GBP6: variants seen among roughly 807,000 people sequenced by gnomAD.
GBP6 encodes the protein guanylate-binding protein 6.
A neutral mutation model predicts 61.5 loss-of-function variants in GBP6; 54 were observed. The observed-to-expected ratio is 0.88, with a 90% confidence interval of 0.71 to 1.10. The LOEUF (loss-of-function observed/expected upper bound fraction) is 1.10, where lower values mean the gene tolerates loss of function less well. Ranked by LOEUF, GBP6 falls within the 50% of genes least tolerant of loss-of-function variation. The pLI, the probability that GBP6 is intolerant of heterozygous loss-of-function variation, is 0.00. For synonymous variants in GBP6, 255 were observed against 273.7 expected (o/e 0.93, Z 0.67); for missense variants, 748 against 752.8 (o/e 0.99, Z 0.07).
intron 1 of GBP6, among the ~76,000 whole-genome samples, chr1:89,366,459 C>T (rs961944083): frequency 1.3e-5 from 2 of 152,164 alleles, no homozygotes; most frequent in African/African-American, 2.4e-5. Context: ...TCCCATCACT[C>T]TTCCAAACCT....
In GBP6 at chr1:89,387,652, G is replaced by A. The variant is rs897068137; in HGVS notation, c.*2183G>A. On this transcript the variant is annotated 3_prime_UTR_variant, in exon 11 of 11. Transcript: ENST00000370456. ...TCTGAGGTGGTTTAAAGGCTATGAGGCCAGGTGCAGTGGCTCACGCCTATA... is the reference window on the plus strand; with the variant it reads ...TCTGAGGTGGTTTAAAGGCTATGAGACCAGGTGCAGTGGCTCACGCCTATA... Among the ~76,000 whole-genome samples, 10 of 152,218 alleles carry A rather than the reference G, an allele frequency of 6.6e-5. No homozygotes were observed. The highest frequency in any genetic ancestry group is 1.0e-4 in the Non-Finnish European group (7 of 68,032).
At chr1:89,378,673 GC>G in intron 5 of GBP6, 60 bp downstream of exon 5, 1 of 1,283,336 alleles carries the variant, frequency 7.8e-7, no homozygotes, top group Non-Finnish European at 1.1e-6. Context: ...GCTAAACACT[GC>G]CCATCATCTC....
intron 3 of GBP6, among the ~76,000 whole-genome samples, chr1:89,372,149 G>A (rs1217957827): frequency 2.0e-5 from 3 of 152,218 alleles, no homozygotes; most frequent in African/African-American, 4.8e-5. Context: ...AAACCACTGT[G>A]CAATGAAATA....
Position 89,378,083 on chromosome 1 carries a change from T to A in GBP6, c.319-20T>A. On this transcript the variant is annotated intron_variant, in intron 3 of 10. Coordinates refer to ENST00000370456, the MANE Select transcript of GBP6 (RefSeq NM_198460.3). Reference sequence around the variant, plus strand: ...CTAAAGACTACACTCCTAAGTCCTTTGCTCTAATGTGCTTTTTAGGGTGAC... The same window carrying A: ...CTAAAGACTACACTCCTAAGTCCTTAGCTCTAATGTGCTTTTTAGGGTGAC... 6.2e-7 allele frequency: 1 copy of A among 1,604,640 alleles called. No individual in the cohort carries two copies. Among genetic ancestry groups the A allele is most frequent in the Non-Finnish European group, 8.5e-7 (1 of 1,175,438 alleles).
chr1:89,373,082 C>A (rs1652691644), intron 3 of GBP6, among the ~76,000 whole-genome samples: 1 of 152,164 alleles, frequency 6.6e-6, no homozygotes, highest in Non-Finnish European at 1.5e-5. Flanking sequence ...CATCACTGGC[C>A]ATCAGAGAAA....
chr1:89,372,017 A>G, intron 3 of GBP6, among the ~76,000 whole-genome samples: 1 of 151,590 alleles, frequency 6.6e-6, no homozygotes, highest in Non-Finnish European at 1.5e-5. Context: ...TTACACACCA[A>G]TAACAGACAA....
Position 89,369,581 on chromosome 1 carries a change from A to C in GBP6, c.226A>C (p.Lys76Gln), listed in dbSNP as rs756724828. Reference sequence around the variant, plus strand: ...GGGCTCCACGGTGCAGTCTGAAACCAAGGGCATCTGGATGTGGTGCGTGCC... The same window carrying C: ...GGGCTCCACGGTGCAGTCTGAAACCCAGGGCATCTGGATGTGGTGCGTGCC... ...PLGSTVQSET[K>Q]GIWMWCVPHP... The change falls in exon 3 of 11, where the codon AAG becomes CAG. Residue 76 changes from lysine to glutamine, a missense_variant. Transcript: ENST00000370456. 1 of 1,614,090 alleles carries C rather than the reference A, an allele frequency of 6.2e-7. No individual in the cohort carries two copies. The highest frequency in any genetic ancestry group is 1.1e-5 in the South Asian group (1 of 91,072).
chr1:89,365,594 T>A (rs940469469), intron 1 of GBP6, among the ~76,000 whole-genome samples: 17 of 152,282 alleles, frequency 1.1e-4, no homozygotes, highest in Non-Finnish European at 2.1e-4. Flanking sequence ...TTTGTATATT[T>A]TGTTGAAATA....
In GBP6 at chr1:89,387,202, C is replaced by A. The variant is rs546079284; in HGVS notation, c.*1733C>A. On this transcript the variant is annotated 3_prime_UTR_variant, in exon 11 of 11. Transcript: ENST00000370456. ...TTTCCCAAGTTCTCCTCCTAGGAAA[C>A]GTCTGGAGCCATTTACTAGATATCC... 6.6e-6 allele frequency among the ~76,000 whole-genome samples: 1 copy of A among 152,108 alleles called. No individual in the cohort carries two copies. The highest frequency in any genetic ancestry group is 1.5e-5 in the Non-Finnish European group (1 of 68,026).
intron 3 of GBP6, 63 bp downstream of exon 3, chr1:89,369,736 T>C (rs1021725066): frequency 5.2e-6 from 8 of 1,537,528 alleles, no homozygotes; most frequent in South Asian, 2.6e-5. Context: ...AATTAAACTG[T>C]TGTGATCTAT....
At chr1:89,384,912 C>G (rs1273706245) in intron 10 of GBP6, among the ~76,000 whole-genome samples, 1 of 152,202 alleles carries the variant, frequency 6.6e-6, no homozygotes, top group Non-Finnish European at 1.5e-5. Flanking sequence ...TATGGGTGAC[C>G]ATGCTGCCCA....
chr1:89,378,555 G>C lies in GBP6; in HGVS notation c.567G>C (p.Leu189Phe). Residue 189 changes from leucine (L) to phenylalanine (F), a missense_variant, in exon 5 of 11, where the codon TTG becomes TTC. Leu to Phe is a conservative substitution (Grantham distance 22). Transcript: ENST00000370456. ...TVRDFTLELKLNGHPITEDEY... is the reference protein window; with the variant it reads ...TVRDFTLELKFNGHPITEDEY... ...GGGATTTCACTCTGGAGCTGAAGTT[G>C]AACGGTCACCCTATCACAGAAGATG... The C allele has an allele frequency of 6.2e-7, 1 of 1,614,058 alleles. No individual in the cohort carries two copies. The highest frequency in any genetic ancestry group is 8.5e-7 in the Non-Finnish European group (1 of 1,179,952).
intron 9 of GBP6, 151 bp from the exon 10 acceptor site, chr1:89,383,942 C>G (rs372779291): frequency 3.4e-6 from 3 of 870,784 alleles, no homozygotes; most frequent in South Asian, 3.7e-5. Flanking sequence ...TTTCCCATCA[C>G]ATTCTCAAAT....
rs1652534667 is a variant in GBP6, at chr1:89,368,740, T to C, written c.189T>C (p.His63=). The C allele has an allele frequency of 2.5e-6, 4 of 1,610,856 alleles. No individual in the cohort carries two copies. The highest frequency in any genetic ancestry group is 1.1e-5 in the South Asian group (1 of 90,876). The part of the protein sequence containing the change: ...YLMNHLAGQN[H]GFPLGSTVQS... ...TGAACCATCTGGCAGGACAGAATCA[T>C]GGTAAGTGGTATCCTGGGACACAGG... is the stretch of plus-strand genomic sequence containing the variant. The change falls in exon 2 of 11, where the codon CAT becomes CAC. Residue 63 remains histidine (H), a splice_region_variant and synonymous_variant. Coordinates refer to ENST00000370456, the MANE Select transcript of GBP6 (RefSeq NM_198460.3).
In GBP6 at chr1:89,380,480, A is replaced by T. The variant is rs2100671229; in HGVS notation, c.720A>T (p.Thr240=). ...KRKCFVFDRP[T]NDKDLLANIE... is the part of the protein sequence containing the mutation. ...AGTGTTTCGTCTTTGACCGGCCAAC[A>T]AATGACAAAGACCTTCTAGCCAATA... The change falls in exon 6 of 11, where the codon ACA becomes ACT. Residue 240 remains threonine, a synonymous_variant. Coordinates refer to ENST00000370456, the MANE Select transcript of GBP6 (RefSeq NM_198460.3). The T allele has an allele frequency of 6.2e-7, 1 of 1,614,166 alleles. No homozygotes were observed. Among genetic ancestry groups the T allele is most frequent in the Non-Finnish European group, 8.5e-7 (1 of 1,180,016 alleles).
chr1:89,373,925 C>T (rs755484156), intron 3 of GBP6, among the ~76,000 whole-genome samples: 4 of 152,048 alleles, frequency 2.6e-5, no homozygotes, highest in Admixed American at 6.6e-5. Flanking sequence ...CCATAATCCC[C>T]GCATGTCGTG....
At chr1:89,369,098 G>A (rs192080522) in intron 2 of GBP6, among the ~76,000 whole-genome samples, 14 of 152,192 alleles carry the variant, frequency 9.2e-5, no homozygotes, top group Admixed American at 4.6e-4. Flanking sequence ...TCTTGAAAAC[G>A]CTTCCTGAAT....
intron 5 of GBP6, among the ~76,000 whole-genome samples, 166 bp from the exon 6 acceptor site, chr1:89,380,220 A>C (rs1264904890): frequency 6.6e-6 from 1 of 152,238 alleles, no homozygotes; most frequent in Non-Finnish European, 1.5e-5. Flanking sequence ...AACATTATAC[A>C]AATTCTTTTA....
At chr1:89,382,027 C>T in intron 7 of GBP6, 53 bp downstream of exon 7, 2 of 1,500,360 alleles carry the variant, frequency 1.3e-6, no homozygotes, top group Non-Finnish European at 1.8e-6. Flanking sequence ...AAGAATGAAG[C>T]CTATAGTTGC....
Sources: allele counts gnomAD v4.1 joint callset (sites outside exome capture counted in the v4.1 genomes callset), GRCh38; gene constraint gnomAD v4.1.1; transcripts MANE v1.5; gene names NCBI Gene and HGNC (gene_info 2026-07-23, HGNC 2026-07-21).